Variants in DAB1 observed in about 807,000 individuals in gnomAD.
DAB1 encodes DAB adaptor protein 1.
Under a neutral mutation model 64.6 loss-of-function variants are expected in DAB1, and 15 were observed. The ratio of observed to expected loss-of-function variants is 0.23; its 90% confidence interval spans 0.16 to 0.36. The LOEUF (loss-of-function observed/expected upper bound fraction) is 0.36. DAB1 is among the 10% of genes least tolerant of loss of function. The pLI is 1.00. For synonymous variants in DAB1, 235 were observed against 251.9 expected, an observed-to-expected ratio of 0.93 and a Z score of 0.64; for missense variants, 596 against 706.7, an observed-to-expected ratio of 0.84 and a Z score of 1.78.
intron 6 of DAB1, among the ~76,000 whole-genome samples, chr1:57,785,882 G>A (rs146191851): frequency 2.4e-4 from 37 of 152,218 alleles, no homozygotes; most frequent in African/African-American, 6.5e-4. Flanking sequence ...GAAGTTCTGC[G>A]GATAAAATGC....
At chr1:57,404,845 C>A (rs114866887) in intron 1 of DAB1, among the ~76,000 whole-genome samples, 410 of 152,272 alleles carry the variant, frequency 2.7e-3, no homozygotes, top group Non-Finnish European at 3.7e-3. Context: ...CAAAGAGACA[C>A]ACACATTCAA....
chr1:57,775,988 C>T (rs1360565724), intron 6 of DAB1, among the ~76,000 whole-genome samples: 1 of 151,462 alleles, frequency 6.6e-6, no homozygotes, highest in African/African-American at 2.4e-5. Context: ...AATTTCTTGT[C>T]CCAAAGCCTA....
intron 7 of DAB1, among the ~76,000 whole-genome samples, chr1:57,603,737 T>C (rs890931297): frequency 2.6e-5 from 4 of 152,208 alleles, no homozygotes; most frequent in Non-Finnish European, 5.9e-5. Context: ...AAGTCAGATG[T>C]TTTTGGATGG....
intron 4 of DAB1, among the ~76,000 whole-genome samples, chr1:58,247,810 C>A (rs549255190): frequency 6.7e-6 from 1 of 149,962 alleles, no homozygotes; most frequent in East Asian, 2.0e-4. Context: ...CACCTCCCAC[C>A]GAGTTCTCTG....
In DAB1 at chr1:57,714,483, G is replaced by A. The variant is rs115296055; in HGVS notation, n.552-64818C>T. Among the ~76,000 whole-genome samples, 1,257 of 152,308 alleles carry A rather than the reference G, an allele frequency of 8.3e-3. 21 individuals carry two copies. Among genetic ancestry groups the A allele is most frequent in the African/African-American group, 0.029 (1,207 of 41,580 alleles). ...ATAAAACAGGGAAGCTTTTTCTGGG[G>A]AGAAGATCCCAGAGCTAGGTCTTGA... On this transcript the variant is annotated intron_variant and non_coding_transcript_variant, in intron 6 of 20. Coordinates refer to the DAB1 transcript ENST00000485760.
Position 57,163,258 on chromosome 1 carries a change from A to G in DAB1, c.68-17829T>C, listed in dbSNP as rs569645512. Among the ~76,000 whole-genome samples the G allele has an allele frequency of 7.2e-5, 11 of 152,340 alleles. No homozygotes were observed. The South Asian group carries it at 2.3e-3, about 32-fold the overall frequency. ...GTTATGAAGGGGATAAAATAGTCTG[A>G]TGAAACAAGGAGTGACTGGGAAAGG... is the stretch of plus-strand genomic sequence containing the variant. On this transcript the variant is annotated intron_variant, in intron 2 of 14. Coordinates refer to ENST00000371236, the MANE Select transcript of DAB1 (RefSeq NM_001365792.1).
chr1:57,778,701 T>C (rs1291734445), intron 6 of DAB1, among the ~76,000 whole-genome samples: 1 of 152,132 alleles, frequency 6.6e-6, no homozygotes, highest in Admixed American at 6.6e-5. Context: ...TATAGATAAA[T>C]AACTTCTTCT....
chr1:58,306,386 AC>A (rs1184020626), intron 4 of DAB1, among the ~76,000 whole-genome samples: 2 of 152,232 alleles, frequency 1.3e-5, no homozygotes, highest in African/African-American at 2.4e-5. Context: ...TGTTAAATTC[AC>A]AGAGCATCTT....
chr1:57,335,338 C>T (rs1676995521), intron 1 of DAB1, among the ~76,000 whole-genome samples: 1 of 151,970 alleles, frequency 6.6e-6, no homozygotes, highest in Non-Finnish European at 1.5e-5. Flanking sequence ...AACATGCTGA[C>T]TGCCTGATTA....
chr1:58,149,696 C>T lies in DAB1; in HGVS notation n.387+815G>A, dbSNP rs573904920. ...GCTGCACATACGCACACACACCTTGCTACAAGGTAGGAGGTGATTTTTACC... is the reference window on the plus strand; with the variant it reads ...GCTGCACATACGCACACACACCTTGTTACAAGGTAGGAGGTGATTTTTACC... On this transcript the variant is annotated intron_variant and non_coding_transcript_variant, in intron 5 of 20. Coordinates refer to the DAB1 transcript ENST00000485760. Among the ~76,000 whole-genome samples the T allele has an allele frequency of 2.6e-5, 4 of 152,218 alleles. No individual in the cohort carries two copies. In the South Asian group the frequency reaches 8.3e-4, roughly 32 times the overall value.
intron 2 of DAB1, among the ~76,000 whole-genome samples, chr1:57,256,064 C>T (rs975621772): frequency 5.3e-5 from 8 of 152,168 alleles, no homozygotes; most frequent in Non-Finnish European, 7.3e-5. Flanking sequence ...GTTATCAGCA[C>T]GTTACTTCCC....
chr1:57,321,384 G>T (rs1675701392), intron 1 of DAB1, among the ~76,000 whole-genome samples: 1 of 152,106 alleles, frequency 6.6e-6, no homozygotes, highest in Non-Finnish European at 1.5e-5. Flanking sequence ...CCTTCTCTCT[G>T]CAGTCACTAC....
chr1:57,843,244 G>GT (rs1313370085), intron 1 of DAB1, among the ~76,000 whole-genome samples: 1 of 152,144 alleles, frequency 6.6e-6, no homozygotes, highest in South Asian at 2.1e-4. Flanking sequence ...AGAATAAAAG[G>GT]TTTTTTCTTT....
At chr1:57,550,608 C>T (rs1425247524) in intron 7 of DAB1, among the ~76,000 whole-genome samples, 3 of 151,902 alleles carry the variant, frequency 2.0e-5, no homozygotes, top group East Asian at 3.9e-4. Flanking sequence ...TTATCCATCC[C>T]GCCATCCATC....
chr1:58,530,803 C>T, intron 1 of DAB1: 1 of 777,752 alleles, frequency 1.3e-6, no homozygotes, highest in Non-Finnish European at 2.2e-6. Context: ...TCTAGTTCAT[C>T]ATGTGTTACA....
chr1:58,047,548 C>G (rs563633434), intron 5 of DAB1, among the ~76,000 whole-genome samples: 40 of 152,318 alleles, frequency 2.6e-4, no homozygotes, highest in Middle Eastern at 3.4e-3. Context: ...CCCCTTCACT[C>G]CTCTCATTGA....
At chr1:57,743,220 CA>C (rs1053053716) in intron 6 of DAB1, among the ~76,000 whole-genome samples, 3 of 152,256 alleles carry the variant, frequency 2.0e-5, no homozygotes, top group African/African-American at 7.2e-5. Context: ...TGAAGATCCA[CA>C]AAAGAAGTAA....
chr1:57,944,703 C>A (rs1393532853), intron 5 of DAB1, among the ~76,000 whole-genome samples: 1 of 152,124 alleles, frequency 6.6e-6, no homozygotes, highest in African/African-American at 2.4e-5. Context: ...TTCATGTTAG[C>A]GTAAACAGCT....
At chr1:57,616,626 A>G (rs1645793296) in intron 7 of DAB1, among the ~76,000 whole-genome samples, 1 of 152,176 alleles carries the variant, frequency 6.6e-6, no homozygotes, top group African/African-American at 2.4e-5. Context: ...ATGGTTTCCT[A>G]CAGATCACCT....
Sources: gnomAD v4.1 joint callset for allele counts (sites outside exome capture counted in the v4.1 genomes callset) on GRCh38, gnomAD v4.1.1 for gene constraint, MANE v1.5 for transcripts, NCBI Gene and HGNC (gene_info 2026-07-23, HGNC 2026-07-21) for gene names.